Variants in LRRK2 observed in about 807,000 individuals in gnomAD.
LRRK2 encodes leucine-rich repeat serine/threonine-protein kinase 2.
Under a neutral mutation model 302.6 loss-of-function variants are expected in LRRK2, and 203 were observed. That is an observed-to-expected ratio of 0.67 (90% confidence interval 0.60 to 0.75). The LOEUF is 0.75. LRRK2 is among the 30% of genes least tolerant of loss of function. LRRK2 has a pLI of 0.00. For missense variants in LRRK2, 2,830 were observed against 2,951.0 expected (o/e 0.96, Z 0.95); for synonymous variants, 1,066 against 1,031.9 (o/e 1.03, Z -0.63).
intron 48 of LRRK2, among the ~76,000 whole-genome samples, chr12:40,364,516 C>CTTTTTT (rs35403247): frequency 6.7e-6 from 1 of 149,968 alleles, no homozygotes. Context: ...TTGACTCTAA[C>CTTTTTT]TTTTTTTTTT....
Position 40,359,247 on chromosome 12 carries a change from T to C in LRRK2, c.6844-13T>C. On this transcript the variant is annotated splice_polypyrimidine_tract_variant and intron_variant, in intron 46 of 50. Transcript: ENST00000298910. ...CAATTTGCTGAGTGTGTTTTCTTTT[T>C]TTTTTGGCAAAGCTTAAAGGAGCTG... 6.2e-7 allele frequency: 1 copy of C among 1,603,934 alleles called. No homozygotes were observed. The highest frequency in any genetic ancestry group is 1.1e-5 in the South Asian group (1 of 90,488).
Position 40,364,997 on chromosome 12 carries a change from G to A in LRRK2, c.7337G>A (p.Arg2446His), listed in dbSNP as rs200795955. 27 of 1,612,448 alleles carry A rather than the reference G, an allele frequency of 1.7e-5. No homozygotes were observed. The highest frequency in any genetic ancestry group is 2.2e-5 in the Non-Finnish European group (26 of 1,179,030). Reference sequence around the variant, plus strand: ...GATCTTTCAACTCGTCGACTTATACGTGTAATTTACAACTTTTGTAATTCG... The same window carrying A: ...GATCTTTCAACTCGTCGACTTATACATGTAATTTACAACTTTTGTAATTCG... ...LLDLSTRRLI[R>H]VIYNFCNSVR... is the part of the protein sequence containing the mutation. Residue 2446 changes from arginine (R) to histidine (H), a missense_variant, in exon 49 of 51, where the codon CGT becomes CAT. Physicochemically the swap from Arg to His is conservative, Grantham distance 29. Coordinates refer to ENST00000298910, the MANE Select transcript of LRRK2 (RefSeq NM_198578.4).
At chr12:40,304,261 A>G in intron 27 of LRRK2, 127 bp downstream of exon 27, 1 of 842,782 alleles carries the variant, frequency 1.2e-6, no homozygotes, top group Non-Finnish European at 1.8e-6. Flanking sequence ...TTAACTATAA[A>G]TTCCTGTCAA....
intron 14 of LRRK2, among the ~76,000 whole-genome samples, chr12:40,265,925 G>A (rs930987541): frequency 1.3e-5 from 2 of 152,132 alleles, no homozygotes; most frequent in Non-Finnish European, 1.5e-5. Flanking sequence ...TTAATAAATG[G>A]TGCTGGGAAA....
chr12:40,310,469 A>C lies in LRRK2; in HGVS notation c.4356A>C (p.Thr1452=). 6.2e-7 allele frequency: 1 copy of C among 1,613,302 alleles called. No homozygotes were observed. The highest frequency in any genetic ancestry group is 8.5e-7 in the Non-Finnish European group (1 of 1,179,794). ...CTTCCCCTGTGATTCTCGTTGGCAC[A>C]CATTTGGATGTTTCTGATGAGAAGC... is the stretch of plus-strand genomic sequence containing the variant. The part of the protein sequence containing the change: ...ASSSPVILVG[T]HLDVSDEKQR... The change falls in exon 31 of 51, where the codon ACA becomes ACC. Residue 1452 remains threonine (T), a synonymous_variant. Transcript: ENST00000298910.
intron 11 of LRRK2, among the ~76,000 whole-genome samples, chr12:40,254,167 G>A (rs1248326422): frequency 6.6e-6 from 1 of 152,000 alleles, no homozygotes; most frequent in East Asian, 1.9e-4. Flanking sequence ...GCTTTTGCAG[G>A]ACATTTTTAG....
rs1011303847 is a variant in LRRK2, at chr12:40,237,879, T to A, written c.437-90T>A. 12 of 1,379,930 alleles carry A rather than the reference T, an allele frequency of 8.7e-6. No individual in the cohort carries two copies. The East Asian group carries it at 2.5e-4, about 29-fold the overall frequency. The allele number at this position is 1,379,930 out of a possible 1,614,324, so 85.5% of individuals were successfully genotyped here. The stretch of plus-strand genomic sequence containing the variant: ...CCATGGGTCTACAAACCATTCACAG[T>A]CTTCATGTAAAAATTAATTCATGTA... On this transcript the variant is annotated intron_variant, in intron 4 of 50. Coordinates refer to ENST00000298910, the MANE Select transcript of LRRK2 (RefSeq NM_198578.4).
intron 28 of LRRK2, 114 bp from the exon 29 acceptor site, chr12:40,308,353 T>C (rs954331150): frequency 5.4e-6 from 4 of 745,916 alleles, no homozygotes; most frequent in Admixed American, 2.5e-5. Context: ...ATATGAGATA[T>C]GCACTCTTCT....
chr12:40,298,458 T>C lies in LRRK2; in HGVS notation c.3312T>C (p.Asp1104=), dbSNP rs753532776. The C allele has an allele frequency of 1.9e-6, 3 of 1,613,820 alleles. No individual in the cohort carries two copies. ...QLSFVPENLT[D]VVEKLEQLIL... ...CTTTTGTACCTGAGAACCTCACTGA[T>C]GTGGTAGAGAAACTGGAGCAGCTCA... The change falls in exon 24 of 51, where the codon GAT becomes GAC. Residue 1104 remains aspartate, a synonymous_variant. Coordinates refer to ENST00000298910, the MANE Select transcript of LRRK2 (RefSeq NM_198578.4).
At chr12:40,303,274 C>T (rs866892717) in intron 26 of LRRK2, among the ~76,000 whole-genome samples, 1 of 152,042 alleles carries the variant, frequency 6.6e-6, no homozygotes, top group Non-Finnish European at 1.5e-5. Context: ...GAAGATTAGG[C>T]AAGTTTATGT....
At chr12:40,302,097 G>C (rs1376357264) in intron 25 of LRRK2, among the ~76,000 whole-genome samples, 8 of 152,094 alleles carry the variant, frequency 5.3e-5, no homozygotes, top group Admixed American at 4.6e-4. Flanking sequence ...AGAATCTCTT[G>C]AACCTGGGAG....
At chr12:40,286,491 A>T (rs1387444637) in intron 19 of LRRK2, 2 of 152,116 alleles carry the variant, frequency 1.3e-5, no homozygotes, top group South Asian at 4.1e-4. Context: ...AATTATTGCT[A>T]TTCCTACTGT....
chr12:40,243,830 A>G (rs1418494260), intron 7 of LRRK2, 149 bp downstream of exon 7: 2 of 824,240 alleles, frequency 2.4e-6, no homozygotes, highest in East Asian at 6.0e-5. Flanking sequence ...AAATTAAAAC[A>G]AAAAGAAAAT....
chr12:40,298,389 A>G lies in LRRK2; in HGVS notation c.3243A>G (p.Lys1081=), dbSNP rs1944463286. Reference sequence around the variant, plus strand: ...CAGTGGTTTTAGATCCTACAGTGAAATGTCCAACTCTGAAACAGTTTAACC... The same window carrying G: ...CAGTGGTTTTAGATCCTACAGTGAAGTGTCCAACTCTGAAACAGTTTAACC... ...GPSVVLDPTV[K]CPTLKQFNLS... The change falls in exon 24 of 51, where the codon AAA becomes AAG. Residue 1081 remains lysine, a synonymous_variant. Transcript: ENST00000298910. 1 of 1,614,008 alleles carries G rather than the reference A, an allele frequency of 6.2e-7. No homozygotes were observed. The highest frequency in any genetic ancestry group is 2.2e-5 in the East Asian group (1 of 44,856).
Position 40,359,336 on chromosome 12 carries a change from C to G in LRRK2, c.6920C>G (p.Thr2307Arg). ...CCATTGATGTGTTTGAGTGAATCCA[C>G]AAATTCAACGGAAAGAAATGTAATG... ...STPLMCLSES[T>R]NSTERNVMWG... Residue 2307 changes from threonine to arginine, a missense_variant, in exon 47 of 51, where the codon ACA becomes AGA. Around this residue, in one of 3 missense-constraint regions of LRRK2, gnomAD observed 456 missense variants for 456.3 expected, o/e 1.00. Transcript: ENST00000298910. 1 of 1,612,922 alleles carries G rather than the reference C, an allele frequency of 6.2e-7. No individual in the cohort carries two copies. Among genetic ancestry groups the G allele is most frequent in the Non-Finnish European group, 8.5e-7 (1 of 1,179,392 alleles).
chr12:40,306,072 G>T (rs1192357834), intron 28 of LRRK2, 106 bp downstream of exon 28: 1 of 875,760 alleles, frequency 1.1e-6, no homozygotes, highest in African/African-American at 1.7e-5. Context: ...AAAATAAATA[G>T]TAATATTTGG....
intron 16 of LRRK2, 72 bp from the exon 17 acceptor site, chr12:40,277,812 ACTCT>A: frequency 7.4e-7 from 1 of 1,349,692 alleles, no homozygotes; most frequent in South Asian, 1.3e-5. Context: ...TCATATACAA[ACTCT>A]CTCTGCTTTA....
chr12:40,265,849 A>G (rs1234571285), intron 14 of LRRK2, among the ~76,000 whole-genome samples: 1 of 152,176 alleles, frequency 6.6e-6, no homozygotes, highest in Non-Finnish European at 1.5e-5. Context: ...ATAATGCCGC[A>G]TATCTACAAC....
At chr12:40,298,825 A>G (rs534507062) in intron 24 of LRRK2, among the ~76,000 whole-genome samples, 63 of 118,892 alleles carry the variant, frequency 5.3e-4, no homozygotes, top group Admixed American at 9.1e-4. Flanking sequence ...TATATAATAC[A>G]TATATTATAT....
Sources: gnomAD v4.1 joint callset for allele counts (sites outside exome capture counted in the v4.1 genomes callset) on GRCh38, gnomAD v4.1.1 for gene constraint, gnomAD v4.1.1 regional missense constraint, MANE v1.5 for transcripts, NCBI Gene and HGNC (gene_info 2026-07-23, HGNC 2026-07-21) for gene names.